Variants in MARCHF1 observed in about 807,000 individuals in gnomAD.
MARCHF1 encodes membrane associated ring-CH-type finger 1.
MARCHF1 carries 40 observed loss-of-function variants against 54.2 expected under a neutral mutation model. The ratio of observed to expected loss-of-function variants is 0.74; its 90% CI spans 0.57 to 0.96. The LOEUF (loss-of-function observed/expected upper bound fraction) is 0.96, where lower values mean the gene tolerates loss of function less well. Among genes scored for constraint, MARCHF1 ranks in the 40% least tolerant of loss-of-function variants. MARCHF1 has a pLI of 0.00. For missense variants in MARCHF1, 586 were observed against 656.5 expected (o/e 0.89, Z 1.17); for synonymous variants, 236 against 236.3 (o/e 1.00, Z 0.01).
intron 1 of MARCHF1, among the ~76,000 whole-genome samples, chr4:164,332,751 C>A (rs371269948): frequency 1.1e-4 from 17 of 151,976 alleles, no homozygotes; most frequent in African/African-American, 3.4e-4. Flanking sequence ...AGTCTGAATG[C>A]CAAATCAGCA....
At chr4:163,947,920 T>C (rs191116277) in intron 3 of MARCHF1, among the ~76,000 whole-genome samples, 61 of 152,368 alleles carry the variant, frequency 4.0e-4, no homozygotes, top group African/African-American at 1.4e-3. Flanking sequence ...AAAATAACTA[T>C]ATGATGTAAC....
At chr4:163,595,611 T>C (rs757179849) in intron 7 of MARCHF1, among the ~76,000 whole-genome samples, 2 of 152,180 alleles carry the variant, frequency 1.3e-5, no homozygotes, top group Admixed American at 6.5e-5. Flanking sequence ...TGTTCATTGA[T>C]GAAATTTGAG....
chr4:163,700,528 A>AGAAGGAAGGAAGGAAGGAAG (rs57173687), intron 5 of MARCHF1, among the ~76,000 whole-genome samples: 25 of 114,570 alleles, frequency 2.2e-4, no homozygotes, highest in Non-Finnish European at 3.6e-4. Context: ...AAAGAAAGAA[A>AGAAGGAAGGAAGGAAGGAAG]GAAGGAAGGA....
intron 2 of MARCHF1, among the ~76,000 whole-genome samples, chr4:164,086,012 T>G (rs1206524032): frequency 6.6e-6 from 1 of 151,646 alleles, no homozygotes; most frequent in Non-Finnish European, 1.5e-5. Context: ...AACATAACTA[T>G]AAAAAAGAAA....
intron 3 of MARCHF1, among the ~76,000 whole-genome samples, chr4:163,930,722 G>A (rs1369934028): frequency 1.3e-5 from 2 of 152,054 alleles, no homozygotes; most frequent in African/African-American, 4.8e-5. Context: ...AAAGAGCGCT[G>A]TGACTCATCC....
In MARCHF1 at chr4:164,078,761, T is replaced by C. The variant is rs189371041; in HGVS notation, c.-248+32827A>G. On this transcript the variant is annotated intron_variant, in intron 2 of 9. Coordinates refer to ENST00000514618, the MANE Select transcript of MARCHF1 (RefSeq NM_001394959.1). ...TGTTTATTAAGAGATGTGTTTGATA[T>C]ATTTCCGAGCATAAAAACCTGTATT... Among the ~76,000 whole-genome samples, 605 of 152,284 alleles carry C rather than the reference T, an allele frequency of 4.0e-3. 9 individuals carry two copies. Among genetic ancestry groups the C allele is most frequent in the Middle Eastern group, 3.4e-3 (1 of 294 alleles).
chr4:163,947,538 G>T (rs1348181905), intron 3 of MARCHF1, among the ~76,000 whole-genome samples: 3 of 152,192 alleles, frequency 2.0e-5, no homozygotes, highest in African/African-American at 7.2e-5. Context: ...AGTAACACTG[G>T]ACCCAGAGAT....
rs565967631 is a variant in MARCHF1, at chr4:163,916,500, T to C, written c.-38-62331A>G. ...AAGTAGAAAGGATTAAGAGAAAAGG[T>C]GATTGTGAAGATGTGCCTGTGAATA... On this transcript the variant is annotated intron_variant, in intron 3 of 9. Transcript: ENST00000514618. Among the ~76,000 whole-genome samples the C allele has an allele frequency of 1.9e-3, 193 of 104,200 alleles. 1 individual carries two copies. Among genetic ancestry groups the C allele is most frequent in the African/African-American group, 9.8e-3 (186 of 19,002 alleles). 68.4% of individuals were successfully genotyped at this position (104,200 alleles called of 152,430 possible). A position where few individuals can be genotyped will look rare whatever the true frequency, so the allele number is the denominator to read the frequency against.
chr4:163,655,335 CATTTT>C (rs940491848), intron 5 of MARCHF1, among the ~76,000 whole-genome samples: 17 of 151,540 alleles, frequency 1.1e-4, no homozygotes, highest in African/African-American at 3.9e-4. Context: ...CTTCAGAATT[CATTTT>C]ATTTTATCTC....
intron 7 of MARCHF1, among the ~76,000 whole-genome samples, chr4:163,603,579 T>C (rs1364485676): frequency 1.3e-5 from 2 of 152,128 alleles, no homozygotes; most frequent in Admixed American, 1.3e-4. Flanking sequence ...AGTAATTCTT[T>C]AGCATGAGGA....
intron 1 of MARCHF1, among the ~76,000 whole-genome samples, chr4:164,308,589 T>C (rs145582195): frequency 1.3e-4 from 20 of 152,136 alleles, no homozygotes; most frequent in African/African-American, 1.2e-4. Flanking sequence ...TAATTACAAA[T>C]GCTTTTTGTA....
At chr4:164,123,658 A>G (rs533003438) in intron 1 of MARCHF1, among the ~76,000 whole-genome samples, 1 of 152,292 alleles carries the variant, frequency 6.6e-6, no homozygotes, top group South Asian at 2.1e-4. Context: ...CACCACAGTG[A>G]ACTCATTTTT....
intron 1 of MARCHF1, among the ~76,000 whole-genome samples, chr4:164,233,795 C>G (rs907905053): frequency 6.6e-6 from 1 of 152,138 alleles, no homozygotes; most frequent in Non-Finnish European, 1.5e-5. Flanking sequence ...TGTTTGGAAA[C>G]TGAACCATGT....
intron 1 of MARCHF1, among the ~76,000 whole-genome samples, chr4:164,169,054 T>C (rs1402118501): frequency 6.6e-6 from 1 of 152,026 alleles, no homozygotes; most frequent in Non-Finnish European, 1.5e-5. Flanking sequence ...AACTGTTTTG[T>C]ATTAAGGATT....
intron 3 of MARCHF1, among the ~76,000 whole-genome samples, chr4:163,937,342 A>AT (rs1751819295): frequency 6.6e-6 from 1 of 152,160 alleles, no homozygotes; most frequent in African/African-American, 2.4e-5. Flanking sequence ...TTTTATAGTT[A>AT]ATAACAAAAG....
intron 4 of MARCHF1, among the ~76,000 whole-genome samples, chr4:163,716,788 A>G (rs1167038559): frequency 2.0e-5 from 3 of 152,210 alleles, no homozygotes; most frequent in African/African-American, 7.2e-5. Context: ...GTTGTTGAAC[A>G]GCAACTCTGG....
At chr4:164,159,911 T>G (rs553089721) in intron 1 of MARCHF1, among the ~76,000 whole-genome samples, 16 of 152,256 alleles carry the variant, frequency 1.1e-4, no homozygotes, top group African/African-American at 3.8e-4. Flanking sequence ...TTAATCACCA[T>G]GGCAAATATA....
At chr4:164,098,740 G>C (rs929364499) in intron 2 of MARCHF1, among the ~76,000 whole-genome samples, 6 of 152,168 alleles carry the variant, frequency 3.9e-5, no homozygotes, top group African/African-American at 1.4e-4. Flanking sequence ...AATGTGATGT[G>C]AAAATTATTT....
chr4:164,149,601 G>A (rs186300918), intron 1 of MARCHF1, among the ~76,000 whole-genome samples: 1 of 152,096 alleles, frequency 6.6e-6, no homozygotes, highest in Non-Finnish European at 1.5e-5. Context: ...TTCCAAAGCT[G>A]GTTCCTTAGC....
Sources: gnomAD v4.1 joint callset for allele counts (sites outside exome capture counted in the v4.1 genomes callset) on GRCh38, gnomAD v4.1.1 for gene constraint, MANE v1.5 for transcripts, NCBI Gene and HGNC (gene_info 2026-07-23, HGNC 2026-07-21) for gene names.